RAB38: variants seen among roughly 807,000 people sequenced by gnomAD.
RAB38 encodes the protein RAB38, member RAS oncogene family.
A neutral mutation model predicts 18.4 loss-of-function variants in RAB38; 15 were observed. The observed-to-expected ratio is 0.82, with a 90% CI of 0.55 to 1.26. RAB38 has a LOEUF of 1.26. Ranked by LOEUF, RAB38 falls within the 50% of genes most tolerant of loss-of-function variation. The pLI is 0.00. For missense variants in RAB38, 294 were observed against 267.4 expected (o/e 1.10, Z -0.69); for synonymous variants, 101 against 104.4 (o/e 0.97, Z 0.20).
At chr11:88,070,773 T>G in the RAB38 span, among the ~76,000 whole-genome samples, 37 of 152,086 alleles carry the variant, frequency 2.4e-4, no homozygotes, top group Admixed American at 2.4e-3. Flanking sequence ...CAACAAGCAG[T>G]CCACAAAATG....
At chr11:87,906,401 T>A in the RAB38 span, among the ~76,000 whole-genome samples, 1 of 151,982 alleles carries the variant, frequency 6.6e-6, no homozygotes, top group Admixed American at 6.6e-5. Context: ...ATTTAATGTT[T>A]CTGAGTTTTG....
At chr11:88,150,033 A>G in intron 1 of RAB38, 78 bp from the exon 2 acceptor site, 1 of 1,417,370 alleles carries the variant, frequency 7.1e-7, no homozygotes, top group Non-Finnish European at 9.5e-7. Flanking sequence ...TGAAGCCTCC[A>G]AGATGAGCAA....
chr11:87,878,352 G>A, the RAB38 span, among the ~76,000 whole-genome samples: 35,595 of 141,446 alleles, frequency 0.25, 6,787 homozygotes, highest in African/African-American at 0.51. Context: ...TCTATCATCT[G>A]TCTATCTATC....
chr11:88,017,970 G>T, the RAB38 span, among the ~76,000 whole-genome samples: 1 of 151,864 alleles, frequency 6.6e-6, no homozygotes, highest in East Asian at 1.9e-4. Flanking sequence ...TTTTGTAAAG[G>T]GGAGTTTCCC....
chr11:88,070,704 T>G, the RAB38 span, among the ~76,000 whole-genome samples: 1 of 152,272 alleles, frequency 6.6e-6, no homozygotes, highest in Admixed American at 6.5e-5. Flanking sequence ...AAATTCCACT[T>G]ACACAAAGGA....
the RAB38 span, among the ~76,000 whole-genome samples, chr11:87,928,616 T>G: frequency 3.3e-5 from 5 of 152,062 alleles, no homozygotes; most frequent in Non-Finnish European, 7.4e-5. Flanking sequence ...TTCCACTGTT[T>G]GTTAAAACAC....
chr11:88,032,048 C>G, the RAB38 span, among the ~76,000 whole-genome samples: 1 of 150,970 alleles, frequency 6.6e-6, no homozygotes, highest in Admixed American at 6.6e-5. Context: ...ATCAATGGAA[C>G]AGAACAGAGC....
the RAB38 span, among the ~76,000 whole-genome samples, chr11:88,101,287 A>G: frequency 2.0e-5 from 3 of 152,030 alleles, no homozygotes; most frequent in Admixed American, 2.0e-4. Context: ...TCTTTGATTC[A>G]GCAATTTAAC....
At chr11:87,858,836 T>TG in the RAB38 span, among the ~76,000 whole-genome samples, 23 of 151,058 alleles carry the variant, frequency 1.5e-4, no homozygotes, top group African/African-American at 5.3e-4. Context: ...TATTAAACTG[T>TG]GAAAAAAAAT....
At chr11:88,053,630 T>G in the RAB38 span, among the ~76,000 whole-genome samples, 5 of 151,546 alleles carry the variant, frequency 3.3e-5, no homozygotes, top group African/African-American at 9.7e-5. Context: ...TAATGGGAAA[T>G]AAAAGTTAAA....
the RAB38 span, among the ~76,000 whole-genome samples, chr11:88,046,605 GT>G: frequency 6.6e-6 from 1 of 152,070 alleles, no homozygotes; most frequent in Admixed American, 6.6e-5. Context: ...TTCCTCATCT[GT>G]TACCTATCTC....
chr11:87,970,463 G>C, the RAB38 span, among the ~76,000 whole-genome samples: 1 of 151,766 alleles, frequency 6.6e-6, no homozygotes, highest in African/African-American at 2.4e-5. Flanking sequence ...TTAATTTCTG[G>C]GTTTATTTGT....
intron 2 of RAB38, among the ~76,000 whole-genome samples, chr11:88,126,013 A>C (rs2134786831): frequency 6.6e-6 from 1 of 152,248 alleles, no homozygotes; most frequent in South Asian, 2.1e-4. Flanking sequence ...TTTGTCAAAG[A>C]CCAGATAGTT....
At chr11:88,166,966 A>C (rs1013874581) in intron 1 of RAB38, 1 of 152,176 alleles carries the variant, frequency 6.6e-6, no homozygotes, top group African/African-American at 2.4e-5. Context: ...TATTGAACAA[A>C]TACTACTTGA....
chr11:88,010,671 A>G, the RAB38 span, among the ~76,000 whole-genome samples: 2 of 152,126 alleles, frequency 1.3e-5, no homozygotes, highest in African/African-American at 4.8e-5. Flanking sequence ...GTATTTTACA[A>G]ATCACTTTTA....
chr11:88,108,365 T>C (rs1942427715), downstream of RAB38, among the ~76,000 whole-genome samples: 1 of 152,212 alleles, frequency 6.6e-6, no homozygotes, highest in African/African-American at 2.4e-5. Context: ...CCCTTTACCA[T>C]TATGTAATGC....
the RAB38 span, among the ~76,000 whole-genome samples, chr11:87,954,337 C>G: frequency 5.9e-5 from 9 of 152,192 alleles, no homozygotes; most frequent in East Asian, 1.5e-3. Context: ...ACATAATTCC[C>G]CATCTCCTCT....
chr11:87,888,950 C>A, the RAB38 span, among the ~76,000 whole-genome samples: 48 of 151,838 alleles, frequency 3.2e-4, no homozygotes, highest in Non-Finnish European at 5.9e-4. Flanking sequence ...GATGCTTAGA[C>A]AAAACATTTA....
chr11:88,099,643 G>A, the RAB38 span, among the ~76,000 whole-genome samples: 19 of 151,908 alleles, frequency 1.3e-4, no homozygotes, highest in Non-Finnish European at 2.5e-4. Context: ...CCCTACTCAT[G>A]GGAGTCTAGT....
Sources: gnomAD v4.1 joint callset for allele counts (sites outside exome capture counted in the v4.1 genomes callset) on GRCh38, gnomAD v4.1.1 for gene constraint, MANE v1.5 for transcripts, NCBI Gene and HGNC (gene_info 2026-07-23, HGNC 2026-07-21) for gene names.